FCHSD2: variants seen among roughly 807,000 people sequenced by gnomAD.
FCHSD2 encodes F-BAR and double SH3 domains protein 2.
Under a neutral mutation model 108.1 loss-of-function variants are expected in FCHSD2, and 38 were observed. The observed-to-expected ratio is 0.35, with a 90% CI of 0.27 to 0.46. The LOEUF is 0.46. Among genes scored for constraint, FCHSD2 ranks in the 20% least tolerant of loss-of-function variants. The pLI, the probability that FCHSD2 is intolerant of heterozygous loss-of-function variation, is 1.00. For synonymous variants in FCHSD2, 279 were observed against 314.7 expected (o/e 0.89, Z 1.20); for missense variants, 751 against 897.8 (o/e 0.84, Z 2.09).
intron 3 of FCHSD2, among the ~76,000 whole-genome samples, chr11:73,079,420 G>A (rs1859631109): frequency 1.3e-5 from 2 of 151,786 alleles, no homozygotes; most frequent in Admixed American, 1.3e-4. Flanking sequence ...GGCTGGTCTC[G>A]AACTCCTGAT....
chr11:72,860,373 G>A (rs946043253), intron 13 of FCHSD2, among the ~76,000 whole-genome samples: 23 of 152,034 alleles, frequency 1.5e-4, no homozygotes, highest in African/African-American at 4.8e-4. Context: ...CAAGATATAC[G>A]TTTATACTGG....
chr11:73,018,129 A>AG (rs1858014690), intron 3 of FCHSD2, among the ~76,000 whole-genome samples: 1 of 152,284 alleles, frequency 6.6e-6, no homozygotes, highest in East Asian at 1.9e-4. Context: ...TGATGCTCAA[A>AG]TTGTCACATC....
At chr11:73,108,662 G>A (rs368644886) in intron 2 of FCHSD2, among the ~76,000 whole-genome samples, 12 of 152,212 alleles carry the variant, frequency 7.9e-5, no homozygotes, top group East Asian at 1.9e-4. Context: ...TCCGCTTCCC[G>A]GGTTCACGCC....
At chr11:72,957,761 G>A (rs1257001943) in intron 8 of FCHSD2, among the ~76,000 whole-genome samples, 1 of 152,020 alleles carries the variant, frequency 6.6e-6, no homozygotes, top group Non-Finnish European at 1.5e-5. Context: ...TTATGTTCAC[G>A]ATTTGCTCTC....
At chr11:72,971,274 T>C (rs1291393020) in intron 8 of FCHSD2, among the ~76,000 whole-genome samples, 1 of 152,036 alleles carries the variant, frequency 6.6e-6, no homozygotes, top group East Asian at 1.9e-4. Context: ...AAATATGAAA[T>C]GCTTAGGAAT....
At position 72,870,718 on chromosome 11, in the gene FCHSD2, G is replaced by C. The variant is rs1192033913; in HGVS notation, c.1147-2692C>G. Among the ~76,000 whole-genome samples the C allele has an allele frequency of 5.9e-5, 9 of 151,900 alleles. No homozygotes were observed. In the South Asian group the frequency reaches 1.0e-3, roughly 18 times the overall value. On this transcript the variant is annotated intron_variant, in intron 12 of 19. Transcript: ENST00000409418. ...GATCGATACCATCCTGGTTAACACAGTGAAACCCTGTCTCTACTAAAAATA... is the reference window on the plus strand; with the variant it reads ...GATCGATACCATCCTGGTTAACACACTGAAACCCTGTCTCTACTAAAAATA...
At chr11:72,979,133 T>C (rs1306713614) in intron 8 of FCHSD2, among the ~76,000 whole-genome samples, 1 of 152,110 alleles carries the variant, frequency 6.6e-6, no homozygotes, top group Non-Finnish European at 1.5e-5. Flanking sequence ...GCTGGGATTA[T>C]GGGTGTAAGT....
chr11:73,010,782 T>C (rs1857845745), intron 4 of FCHSD2, among the ~76,000 whole-genome samples: 1 of 152,184 alleles, frequency 6.6e-6, no homozygotes, highest in South Asian at 2.1e-4. Flanking sequence ...GAGGCAGTGG[T>C]GAGTTGGCAC....
At position 72,985,069 on chromosome 11, in the gene FCHSD2, C is replaced by T; in HGVS notation, c.569G>A (p.Ser190Asn). The change falls in exon 7 of 20, where the codon AGT becomes AAT. Residue 190 changes from serine (S) to asparagine (N), a missense_variant. Physicochemically the swap from Ser to Asn is conservative, Grantham distance 46 (BLOSUM62 1). Coordinates refer to ENST00000409418, the MANE Select transcript of FCHSD2 (RefSeq NM_014824.3). ...FQSRISLQKASVKLKARRSEC... is the reference protein window; with the variant it reads ...FQSRISLQKANVKLKARRSEC... ...CACTTATTGAAAACTTACCTTTACA[C>T]TTGCCTTCTGTAAACTGATTCTTGA... The T allele has an allele frequency of 4.8e-6, 6 of 1,243,312 alleles. No homozygotes were observed. Among genetic ancestry groups the T allele is most frequent in the South Asian group, 1.3e-5 (1 of 76,952 alleles). The allele number at this position is 1,243,312 out of a possible 1,614,324, so 77.0% of individuals were successfully genotyped here.
At chr11:73,117,625 T>C (rs557091776) in intron 2 of FCHSD2, among the ~76,000 whole-genome samples, 1 of 152,352 alleles carries the variant, frequency 6.6e-6, no homozygotes, top group East Asian at 1.9e-4. Context: ...TTTGTTTGTT[T>C]TTAGTTTGCA....
chr11:72,907,600 T>TTTG (rs386374145), intron 9 of FCHSD2, among the ~76,000 whole-genome samples: 1 of 8,916 alleles, frequency 1.1e-4, no homozygotes, highest in African/African-American at 8.9e-4. Context: ...ATCACGTGGG[T>TTTG]TTTTTTTTTT....
chr11:72,958,688 T>C (rs1856762009), intron 8 of FCHSD2, among the ~76,000 whole-genome samples: 1 of 152,190 alleles, frequency 6.6e-6, no homozygotes, highest in South Asian at 2.1e-4. Flanking sequence ...AAAATCTACC[T>C]TCAGAGAAAG....
In FCHSD2 at chr11:73,141,844, G is replaced by C; in HGVS notation, c.21+13C>G. On this transcript the variant is annotated intron_variant, in intron 1 of 19. Coordinates refer to ENST00000409418, the MANE Select transcript of FCHSD2 (RefSeq NM_014824.3). Reference sequence around the variant, plus strand: ...TCTCTCCGAACCCCAAAGCCCCCCAGCTGCGCCCTTACCTTCCTCGGCGGC... The same window carrying C: ...TCTCTCCGAACCCCAAAGCCCCCCACCTGCGCCCTTACCTTCCTCGGCGGC... The C allele has an allele frequency of 6.5e-7, 1 of 1,544,026 alleles. No individual in the cohort carries two copies. Among genetic ancestry groups the C allele is most frequent in the Non-Finnish European group, 8.7e-7 (1 of 1,145,784 alleles).
chr11:73,035,066 T>C (rs1858453770), intron 3 of FCHSD2, among the ~76,000 whole-genome samples: 1 of 152,236 alleles, frequency 6.6e-6, no homozygotes, highest in Non-Finnish European at 1.5e-5. Context: ...ACAACTAGTA[T>C]ACTGGTTAAG....
intron 12 of FCHSD2, among the ~76,000 whole-genome samples, chr11:72,885,015 G>A (rs1855167578): frequency 6.6e-6 from 1 of 151,938 alleles, no homozygotes; most frequent in Non-Finnish European, 1.5e-5. Context: ...ATAAAGTATC[G>A]ATAAAAACGA....
chr11:72,973,445 T>C (rs1243220358), intron 8 of FCHSD2, among the ~76,000 whole-genome samples: 3 of 152,054 alleles, frequency 2.0e-5, no homozygotes, highest in Non-Finnish European at 2.9e-5. Flanking sequence ...AAATACTATA[T>C]AGCAAAGATA....
At chr11:73,081,005 C>T (rs986034279) in intron 3 of FCHSD2, among the ~76,000 whole-genome samples, 1 of 151,392 alleles carries the variant, frequency 6.6e-6, no homozygotes, top group South Asian at 2.1e-4. Flanking sequence ...GAAATAATCA[C>T]CAGGAGAACC....
chr11:73,101,562 C>G (rs776553841), intron 2 of FCHSD2, among the ~76,000 whole-genome samples: 1 of 151,996 alleles, frequency 6.6e-6, no homozygotes, highest in Non-Finnish European at 1.5e-5. Context: ...CTCAGCCTCC[C>G]GAGTAGCTGG....
chr11:72,992,947 G>A (rs1183960940), intron 5 of FCHSD2, among the ~76,000 whole-genome samples: 3 of 152,032 alleles, frequency 2.0e-5, no homozygotes, highest in Admixed American at 2.0e-4. Flanking sequence ...ACAGCAAAAG[G>A]AACTACCATC....
Sources: allele counts gnomAD v4.1 joint callset (sites outside exome capture counted in the v4.1 genomes callset), GRCh38; gene constraint gnomAD v4.1.1; transcripts MANE v1.5; gene names NCBI Gene and HGNC (gene_info 2026-07-23, HGNC 2026-07-21).